Variants in ERC2 observed in about 807,000 individuals in gnomAD.
ERC2 encodes ERC protein 2.
Under a neutral mutation model 114.8 loss-of-function variants are expected in ERC2, and 42 were observed. That is an observed-to-expected ratio of 0.37 (90% CI 0.29 to 0.47). The LOEUF is 0.47. Ranked by LOEUF, ERC2 falls within the 20% of genes least tolerant of loss-of-function variation. ERC2 has a pLI of 0.99. For synonymous variants in ERC2, 454 were observed against 425.5 expected (o/e 1.07, Z -0.82); for missense variants, 939 against 1,150.7 (o/e 0.82, Z 2.66).
At chr3:55,602,204 C>T (rs1177047495) in intron 17 of ERC2, among the ~76,000 whole-genome samples, 1 of 152,110 alleles carries the variant, frequency 6.6e-6, no homozygotes, top group African/African-American at 2.4e-5. Flanking sequence ...AAGAATCTGC[C>T]GTCAAACTGC....
intron 14 of ERC2, among the ~76,000 whole-genome samples, chr3:55,830,333 T>C (rs1356349722): frequency 6.6e-6 from 1 of 152,200 alleles, no homozygotes; most frequent in Admixed American, 6.5e-5. Flanking sequence ...TGTTAAAAAG[T>C]TGCTCAGACT....
intron 7 of ERC2, among the ~76,000 whole-genome samples, chr3:56,038,658 C>T (rs2074954157): frequency 6.6e-6 from 1 of 152,040 alleles, no homozygotes; most frequent in African/African-American, 2.4e-5. Context: ...GCACTATTCG[C>T]AATAGCAAAG....
intron 7 of ERC2, among the ~76,000 whole-genome samples, chr3:56,056,694 C>T (rs182548768): frequency 6.6e-6 from 1 of 152,118 alleles, no homozygotes; most frequent in African/African-American, 2.4e-5. Flanking sequence ...TGAGAATAGA[C>T]GAGATGATGT....
At chr3:55,881,719 G>C (rs2063124788) in intron 14 of ERC2, among the ~76,000 whole-genome samples, 1 of 152,100 alleles carries the variant, frequency 6.6e-6, no homozygotes, top group Non-Finnish European at 1.5e-5. Context: ...TGGAATGTAA[G>C]CTTATTAGCT....
At chr3:55,937,123 T>C (rs2066493386) in intron 13 of ERC2, among the ~76,000 whole-genome samples, 1 of 152,144 alleles carries the variant, frequency 6.6e-6, no homozygotes, top group South Asian at 2.1e-4. Context: ...GGCAGATCAC[T>C]TGACATCAGG....
chr3:55,559,605 C>T (rs866958112), intron 17 of ERC2, among the ~76,000 whole-genome samples: 2 of 152,350 alleles, frequency 1.3e-5, no homozygotes, highest in East Asian at 1.9e-4. Flanking sequence ...GGCCTGGGCA[C>T]TGTGCTGGGC....
intron 17 of ERC2, among the ~76,000 whole-genome samples, chr3:55,656,181 C>G (rs1000376853): frequency 1.3e-5 from 2 of 151,898 alleles, no homozygotes; most frequent in African/African-American, 4.8e-5. Flanking sequence ...ACTCTGTCAC[C>G]CAGGCTGAAA....
intron 3 of ERC2, among the ~76,000 whole-genome samples, chr3:56,199,860 G>T (rs1342802971): frequency 1.3e-5 from 2 of 152,078 alleles, no homozygotes; most frequent in African/African-American, 4.8e-5. Flanking sequence ...GAGAATGGAT[G>T]AAGGAGAAAC....
At chr3:55,806,376 A>G (rs2059493825) in intron 14 of ERC2, among the ~76,000 whole-genome samples, 1 of 151,770 alleles carries the variant, frequency 6.6e-6, no homozygotes, top group Non-Finnish European at 1.5e-5. Flanking sequence ...AGAAGAAAGA[A>G]GAAGAAGAAA....
chr3:55,643,918 A>G (rs1252708120), intron 17 of ERC2, among the ~76,000 whole-genome samples: 1 of 152,190 alleles, frequency 6.6e-6, no homozygotes, highest in Non-Finnish European at 1.5e-5. Context: ...AATGGAAAAA[A>G]TAATGAAAAC....
chr3:56,270,259 C>T (rs1316759488), intron 3 of ERC2, among the ~76,000 whole-genome samples: 1 of 152,006 alleles, frequency 6.6e-6, no homozygotes, highest in African/African-American at 2.4e-5. Flanking sequence ...ACTGCCAGGC[C>T]TACAGGCAGA....
intron 3 of ERC2, among the ~76,000 whole-genome samples, chr3:56,175,847 TTTAA>T (rs1176899336): frequency 2.0e-5 from 3 of 152,226 alleles, no homozygotes; most frequent in Non-Finnish European, 2.9e-5. Flanking sequence ...ATATAATTTA[TTTAA>T]TTGTGAGTTT....
At chr3:56,120,978 G>A (rs7632887) in intron 6 of ERC2, among the ~76,000 whole-genome samples, 26,735 of 152,012 alleles carry the variant, frequency 0.18, 2,887 homozygotes, top group African/African-American at 0.3. Context: ...GTACTGATAA[G>A]TCTGAAAAGG....
chr3:55,880,395 T>G (rs1419871934), intron 14 of ERC2, among the ~76,000 whole-genome samples: 1 of 152,228 alleles, frequency 6.6e-6, no homozygotes, highest in African/African-American at 2.4e-5. Context: ...AGTTTTTTTG[T>G]TGTTTTGTTT....
chr3:56,343,167 T>TTCTCTCTCTCTCTCTCTCTC (rs1160068173), intron 2 of ERC2, among the ~76,000 whole-genome samples: 2 of 135,260 alleles, frequency 1.5e-5, no homozygotes, highest in Admixed American at 1.5e-4. Flanking sequence ...CTCTCTCTCT[T>TTCTCTCTCTCTCTCTCTCTC]TCTCTCTCTC....
intron 3 of ERC2, among the ~76,000 whole-genome samples, chr3:56,233,580 G>A (rs1029727231): frequency 1.8e-4 from 27 of 150,726 alleles, no homozygotes; most frequent in African/African-American, 5.9e-4. Flanking sequence ...GGAGCTGGAG[G>A]TTGCAGTAAG....
chr3:55,979,456 T>C (rs2069887381), intron 12 of ERC2, among the ~76,000 whole-genome samples: 1 of 152,222 alleles, frequency 6.6e-6, no homozygotes, highest in African/African-American at 2.4e-5. Context: ...TTGCTAATAT[T>C]CACCATTATG....
chr3:56,039,614 G>T (rs984569366), intron 7 of ERC2, among the ~76,000 whole-genome samples: 1 of 151,550 alleles, frequency 6.6e-6, no homozygotes, highest in African/African-American at 2.4e-5. Flanking sequence ...TGAAAATTCC[G>T]ATGTCATTTT....
chr3:56,457,232 C>T (rs140727177), intron 1 of ERC2, among the ~76,000 whole-genome samples: 26 of 152,184 alleles, frequency 1.7e-4, no homozygotes, highest in African/African-American at 6.0e-4. Flanking sequence ...GAACTTTGTC[C>T]TAGGTGATAT....
Sources: gnomAD v4.1 joint callset for allele counts (sites outside exome capture counted in the v4.1 genomes callset) on GRCh38, gnomAD v4.1.1 for gene constraint, MANE v1.5 for transcripts, NCBI Gene and HGNC (gene_info 2026-07-23, HGNC 2026-07-21) for gene names.